Variants in ALK observed in about 807,000 individuals in gnomAD.
ALK encodes the protein ALK receptor tyrosine kinase, also known as ALK tyrosine kinase receptor.
ALK carries 74 observed loss-of-function variants against 163.1 expected under a neutral mutation model. The observed-to-expected ratio is 0.45, with a 90% CI of 0.38 to 0.55. The LOEUF (loss-of-function observed/expected upper bound fraction) is 0.55, where lower values mean the gene tolerates loss of function less well. Ranked by LOEUF, ALK falls within the 20% of genes least tolerant of loss-of-function variation. The pLI, the probability that ALK is intolerant of heterozygous loss-of-function variation, is 0.00. For synonymous variants in ALK, 960 were observed against 843.2 expected (o/e 1.14, Z -2.40); for missense variants, 2,063 against 2,105.3 (o/e 0.98, Z 0.39).
In ALK at chr2:29,903,185, G is replaced by A. The variant is rs149590759; in HGVS notation, c.667+16808C>T. ...TATAGAACCGTACAAAGTCCTGAAC[G>A]CATGGAAAGTCTCAGGGACTATTTG... On this transcript the variant is annotated intron_variant, in intron 1 of 28. Transcript: ENST00000389048. Among the ~76,000 whole-genome samples the A allele has an allele frequency of 4.4e-3, 674 of 152,218 alleles. 7 individuals carry two copies. The highest frequency in any genetic ancestry group is 0.015 in the African/African-American group (636 of 41,520).
At chr2:29,348,143 G>T (rs114136405) in intron 5 of ALK, among the ~76,000 whole-genome samples, 1 of 152,120 alleles carries the variant, frequency 6.6e-6, no homozygotes, top group Non-Finnish European at 1.5e-5. Flanking sequence ...TCTGTGTCAG[G>T]CTGGGCAGGG....
At chr2:29,770,436 AT>A (rs1296441062) in intron 1 of ALK, among the ~76,000 whole-genome samples, 1 of 152,252 alleles carries the variant, frequency 6.6e-6, no homozygotes, top group Non-Finnish European at 1.5e-5. Context: ...TCCAAACAGC[AT>A]TCTAGTGTCC....
At chr2:29,747,983 T>C (rs1680250534) in intron 1 of ALK, among the ~76,000 whole-genome samples, 3 of 152,216 alleles carry the variant, frequency 2.0e-5, no homozygotes, top group Non-Finnish European at 4.4e-5. Context: ...GAATGAGTCA[T>C]GTGAATCCTA....
chr2:29,903,679 A>T (rs569821030), intron 1 of ALK, among the ~76,000 whole-genome samples: 9 of 152,190 alleles, frequency 5.9e-5, no homozygotes, highest in African/African-American at 2.2e-4. Context: ...AAAAGCATCA[A>T]AATAATTTGG....
chr2:29,820,753 G>A (rs4073186), intron 1 of ALK, among the ~76,000 whole-genome samples: 60,599 of 152,074 alleles, frequency 0.4, 12,328 homozygotes, highest in Non-Finnish European at 0.42. Flanking sequence ...TGTGACCTGA[G>A]TCCCTTAACT....
At chr2:29,624,173 G>T (rs976109314) in intron 3 of ALK, among the ~76,000 whole-genome samples, 1 of 24,352 alleles carries the variant, frequency 4.1e-5, no homozygotes, top group South Asian at 1.7e-3. Context: ...TCCTGCTCTC[G>T]CTGGTGGTAG....
intron 3 of ALK, among the ~76,000 whole-genome samples, chr2:29,649,243 A>AGAGAGAGAGAG (rs200019642): frequency 6.6e-6 from 1 of 150,928 alleles, no homozygotes; most frequent in African/African-American, 2.4e-5. Context: ...AGAGAGAGAG[A>AGAGAGAGAGAG]AAGTGCGTGC....
intron 1 of ALK, among the ~76,000 whole-genome samples, chr2:29,914,509 AC>A (rs796393291): frequency 8.5e-5 from 13 of 152,374 alleles, no homozygotes; most frequent in South Asian, 2.1e-4. Flanking sequence ...ATATAAAAAA[AC>A]AATAGTGGTT....
chr2:29,354,516 C>T (rs554955527), intron 5 of ALK, among the ~76,000 whole-genome samples: 3 of 152,250 alleles, frequency 2.0e-5, no homozygotes, highest in Admixed American at 6.5e-5. Flanking sequence ...AGCAGAGCAG[C>T]ACCCAATGGG....
intron 7 of ALK, 45 bp downstream of exon 7, chr2:29,320,706 G>T (rs906347203): frequency 1.9e-6 from 3 of 1,611,494 alleles, no homozygotes; most frequent in Admixed American, 3.3e-5. Context: ...TGTCTATGTG[G>T]GCATGAAGAT....
chr2:29,320,990 T>C, intron 6 of ALK, 108 bp from the exon 7 acceptor site: 1 of 1,353,346 alleles, frequency 7.4e-7, no homozygotes, highest in Non-Finnish European at 1.1e-6. Context: ...TCATTAGTAA[T>C]ATAGCTCCCC....
intron 3 of ALK, among the ~76,000 whole-genome samples, chr2:29,694,339 T>C (rs894469378): frequency 1.3e-5 from 2 of 152,198 alleles, no homozygotes; most frequent in Admixed American, 1.3e-4. Flanking sequence ...TTTAAGCCAG[T>C]TCTACAATAC....
intron 1 of ALK, 113 bp from the exon 2 acceptor site, chr2:29,717,810 G>A (rs1017356787): frequency 1.1e-5 from 15 of 1,398,144 alleles, no homozygotes; most frequent in East Asian, 2.3e-5. Flanking sequence ...GACATCCATC[G>A]GGAAGATGAG....
intron 4 of ALK, among the ~76,000 whole-genome samples, chr2:29,413,185 A>T (rs191432733): frequency 1.4e-4 from 22 of 152,360 alleles, no homozygotes; most frequent in Admixed American, 1.3e-3. Context: ...TAAATCAAGC[A>T]CAAGAGAAAA....
At chr2:29,328,267 C>T (rs1389254377) in intron 6 of ALK, 83 bp downstream of exon 6, 3 of 1,601,020 alleles carry the variant, frequency 1.9e-6, no homozygotes, top group Non-Finnish European at 1.7e-6. Context: ...GCTGTCCATG[C>T]TCTCATGCCT....
chr2:29,487,844 C>T (rs1204882543), intron 4 of ALK, among the ~76,000 whole-genome samples: 1 of 152,142 alleles, frequency 6.6e-6, no homozygotes, highest in East Asian at 1.9e-4. Context: ...GAACTCACAG[C>T]TTATGCATCT....
At chr2:29,206,565 C>T (rs1669314530) in intron 26 of ALK, among the ~76,000 whole-genome samples, 1 of 152,120 alleles carries the variant, frequency 6.6e-6, no homozygotes, top group Non-Finnish European at 1.5e-5. Flanking sequence ...AGCAACCGTG[C>T]CTGGCCTACA....
chr2:29,645,591 A>G (rs1409838623), intron 3 of ALK, among the ~76,000 whole-genome samples: 2 of 152,156 alleles, frequency 1.3e-5, no homozygotes, highest in Non-Finnish European at 2.9e-5. Context: ...GAGAAGTTGC[A>G]TGGTGACTTG....
intron 1 of ALK, among the ~76,000 whole-genome samples, chr2:29,834,603 T>A (rs976817060): frequency 6.6e-6 from 1 of 151,906 alleles, no homozygotes; most frequent in Admixed American, 6.6e-5. Context: ...AAAATCAAGA[T>A]GAAAAACTGA....
Sources: gnomAD v4.1 joint callset for allele counts (sites outside exome capture counted in the v4.1 genomes callset) on GRCh38, gnomAD v4.1.1 for gene constraint, MANE v1.5 for transcripts, NCBI Gene and HGNC (gene_info 2026-07-23, HGNC 2026-07-21) for gene names.